MTMR14: variants seen among roughly 807,000 people sequenced by gnomAD.
MTMR14 encodes phosphatidylinositol-3,5-bisphosphate 3-phosphatase MTMR14.
Under a neutral mutation model 86.3 loss-of-function variants are expected in MTMR14, and 48 were observed. That is an observed-to-expected ratio of 0.56 (90% confidence interval 0.44 to 0.71). MTMR14 has a LOEUF of 0.71. Among genes scored for constraint, MTMR14 ranks in the 30% least tolerant of loss-of-function variants. The pLI, the probability that MTMR14 is intolerant of heterozygous loss-of-function variation, is 0.00. For synonymous variants in MTMR14, 366 were observed against 326.1 expected (o/e 1.12, Z -1.32); for missense variants, 780 against 834.6 (o/e 0.93, Z 0.81).
intron 2 of MTMR14, among the ~76,000 whole-genome samples, chr3:9,657,027 C>G (rs1167359839): frequency 6.6e-6 from 1 of 151,812 alleles, no homozygotes; most frequent in Admixed American, 6.6e-5. Context: ...ATTCTCCCAC[C>G]TCAGCCTCCC....
intron 13 of MTMR14, among the ~76,000 whole-genome samples, chr3:9,687,423 C>T (rs1176289311): frequency 4.6e-5 from 7 of 151,906 alleles, no homozygotes; most frequent in African/African-American, 9.7e-5. Flanking sequence ...GGCATGGTGG[C>T]GGGCACCTGT....
At chr3:9,681,202 G>A (rs1399155403) in intron 9 of MTMR14, among the ~76,000 whole-genome samples, 2 of 152,158 alleles carry the variant, frequency 1.3e-5, no homozygotes, top group African/African-American at 4.8e-5. Context: ...TGAATGATAG[G>A]AGCAGTTGTG....
At chr3:9,650,234 A>G (rs965972880) in intron 1 of MTMR14, 9 of 444,006 alleles carry the variant, frequency 2.0e-5, no homozygotes, top group Admixed American at 4.8e-5. Context: ...TCCTTCCCCT[A>G]TAGAGCAGGA....
intron 2 of MTMR14, among the ~76,000 whole-genome samples, chr3:9,660,196 G>A (rs1156970775): frequency 6.6e-6 from 1 of 152,090 alleles, no homozygotes; most frequent in Non-Finnish European, 1.5e-5. Context: ...AGCACACTCT[G>A]GTTCTCTGTG....
intron 18 of MTMR14, chr3:9,699,961 G>T (rs1559625168): frequency 6.6e-6 from 1 of 152,258 alleles, no homozygotes; most frequent in African/African-American, 2.4e-5. Context: ...CTTCAGGATT[G>T]TTGATGGTAG....
chr3:9,690,895 A>G (rs1009394724), intron 17 of MTMR14, among the ~76,000 whole-genome samples: 4 of 152,214 alleles, frequency 2.6e-5, no homozygotes, highest in African/African-American at 9.6e-5. Context: ...GGGCATTTAG[A>G]AGAATGGGCA....
chr3:9,668,602 G>A lies in MTMR14; in HGVS notation c.418-117G>A, dbSNP rs2048386753. ...AGCCTTGATGCTGATAAAACTTTGGGGAGTGCTCCTGGGCCCGTTATGCTG... is the reference window on the plus strand; with the variant it reads ...AGCCTTGATGCTGATAAAACTTTGGAGAGTGCTCCTGGGCCCGTTATGCTG... On this transcript the variant is annotated intron_variant, in intron 3 of 18. Coordinates refer to ENST00000296003, the MANE Select transcript of MTMR14 (RefSeq NM_001077525.3). 4 of 1,000,680 alleles carry A rather than the reference G, an allele frequency of 4.0e-6. No individual in the cohort carries two copies. The African/African-American group carries it at 4.7e-5, about 12-fold the overall frequency. The allele number at this position is 1,000,680 out of a possible 1,614,324, so 62.0% of individuals were successfully genotyped here. A position where few individuals can be genotyped will look rare whatever the true frequency, so the allele number is the denominator to read the frequency against.
chr3:9,665,299 A>AG (rs1205428545), intron 3 of MTMR14, among the ~76,000 whole-genome samples: 2 of 150,906 alleles, frequency 1.3e-5, no homozygotes, highest in African/African-American at 4.9e-5. Flanking sequence ...AAAAAAAAAA[A>AG]GTCTCACGTA....
In MTMR14 at chr3:9,690,016, C is replaced by T. The variant is rs1475468687; in HGVS notation, c.1486C>T (p.Pro496Ser). Residue 496 changes from proline (P) to serine (S), a missense_variant, in exon 17 of 19, where the codon CCC becomes TCC. Physicochemically the swap from Pro to Ser is moderately conservative, Grantham distance 74. Transcript: ENST00000296003. ...PQSVLWNRPQPSEDRLPSQQG... is the reference protein window; with the variant it reads ...PQSVLWNRPQSSEDRLPSQQG... The stretch of plus-strand genomic sequence containing the variant: ...GAGTGTCCTCTGGAACCGGCCACAA[C>T]CCTCAGAGGACCGCTTGCCTTCCCA... The T allele has an allele frequency of 6.2e-7, 1 of 1,612,288 alleles. No homozygotes were observed. The highest frequency in any genetic ancestry group is 8.5e-7 in the Non-Finnish European group (1 of 1,179,922).
chr3:9,662,760 A>G (rs1393639191), intron 3 of MTMR14, among the ~76,000 whole-genome samples: 2 of 152,266 alleles, frequency 1.3e-5, no homozygotes, highest in African/African-American at 2.4e-5. Context: ...TTTCAATTAT[A>G]TAATTCACCA....
At chr3:9,663,173 T>A (rs1010496826) in intron 3 of MTMR14, among the ~76,000 whole-genome samples, 6 of 151,908 alleles carry the variant, frequency 3.9e-5, no homozygotes, top group African/African-American at 1.5e-4. Flanking sequence ...TGGACTGACA[T>A]ACAGAGAGCC....
chr3:9,665,496 A>C (rs1381354451), intron 3 of MTMR14, among the ~76,000 whole-genome samples: 2 of 152,122 alleles, frequency 1.3e-5, no homozygotes, highest in Admixed American at 6.6e-5. Flanking sequence ...GAGGAGGAGG[A>C]GGCAAGGGTT....
chr3:9,680,697 C>T (rs541793083), intron 9 of MTMR14, among the ~76,000 whole-genome samples: 26 of 152,298 alleles, frequency 1.7e-4, no homozygotes, highest in South Asian at 6.2e-4. Context: ...ATTAGCCGGG[C>T]GTGGTGGCGG....
At chr3:9,676,916 A>G (rs1374424651) in intron 7 of MTMR14, among the ~76,000 whole-genome samples, 1 of 152,262 alleles carries the variant, frequency 6.6e-6, no homozygotes, top group East Asian at 1.9e-4. Context: ...GAGAAGAGGA[A>G]GAGTGATCCT....
At chr3:9,688,838 G>GTT in intron 15 of MTMR14, 84 bp downstream of exon 15, 1 of 1,593,560 alleles carries the variant, frequency 6.3e-7, no homozygotes, top group Non-Finnish European at 8.6e-7. Flanking sequence ...GTGCTAAGAG[G>GTT]TTTTTTGTTT....
At chr3:9,670,845 A>T (rs1361386423) in intron 5 of MTMR14, among the ~76,000 whole-genome samples, 1 of 152,170 alleles carries the variant, frequency 6.6e-6, no homozygotes, top group Non-Finnish European at 1.5e-5. Flanking sequence ...TACATCCCAG[A>T]GATTGGGGTA....
rs1021654548 is a variant in MTMR14, at chr3:9,701,328, G to A, written c.1770-462G>A. 1.3e-5 allele frequency: 3 copies of A among 230,536 alleles called. No individual in the cohort carries two copies. The highest frequency in any genetic ancestry group is 6.0e-5 in the South Asian group (1 of 16,576). 14.3% of individuals were successfully genotyped at this position (230,536 alleles called of 1,614,324 possible). On this transcript the variant is annotated intron_variant, in intron 18 of 18. Transcript: ENST00000296003. The surrounding 1 kb of genome is among the most constrained non-coding windows in gnomAD (Gnocchi z 4.2). ...GCCTGTAATCCCAGTACTGTGGGAC[G>A]CCAAGGCAGGCGGATCAGTTGAGTC...
At chr3:9,655,965 G>A (rs1041286468) in intron 2 of MTMR14, among the ~76,000 whole-genome samples, 10 of 151,906 alleles carry the variant, frequency 6.6e-5, no homozygotes, top group Admixed American at 2.6e-4. Context: ...AGCACTTTGA[G>A]AGTCCAAGAT....
intron 16 of MTMR14, among the ~76,000 whole-genome samples, chr3:9,689,678 A>G (rs192184698): frequency 6.6e-6 from 1 of 152,332 alleles, no homozygotes; most frequent in Non-Finnish European, 1.5e-5. Context: ...GGGGGAAAAA[A>G]GATTTTGCAT....
Sources: allele counts gnomAD v4.1 joint callset (sites outside exome capture counted in the v4.1 genomes callset), GRCh38; gene constraint gnomAD v4.1.1; non-coding constraint Gnocchi (gnomAD v3.1); transcripts MANE v1.5; gene names NCBI Gene and HGNC (gene_info 2026-07-23, HGNC 2026-07-21).